The following LIMK2 variants were observed in gnomAD, a reference collection of about 807,000 sequenced individuals.
LIMK2 encodes the protein LIM domain kinase 2.
A neutral mutation model predicts 75.7 loss-of-function variants in LIMK2; 35 were observed. The ratio of observed to expected loss-of-function variants is 0.46; its 90% CI spans 0.35 to 0.61. The LOEUF (loss-of-function observed/expected upper bound fraction) is 0.61. Among genes scored for constraint, LIMK2 ranks in the 20% least tolerant of loss-of-function variants. LIMK2 has a pLI of 0.00. For synonymous variants in LIMK2, 301 were observed against 319.2 expected (o/e 0.94, Z 0.61); for missense variants, 623 against 831.0 (o/e 0.75, Z 3.08).
chr22:31,241,194 G>A (rs985072713), intron 2 of LIMK2, among the ~76,000 whole-genome samples: 2 of 152,216 alleles, frequency 1.3e-5, no homozygotes, highest in African/African-American at 4.8e-5. Context: ...AGGGTCCAAT[G>A]CTGCTATTCC....
Position 31,245,891 on chromosome 22 carries a change from GGCC to G in LIMK2, c.117-12398_117-12396del, listed in dbSNP as rs940191935. Among the ~76,000 whole-genome samples, 101 of 151,996 alleles carry G rather than the reference GGCC, an allele frequency of 6.6e-4. 1 individual carries two copies. Among genetic ancestry groups the G allele is most frequent in the Admixed American group, 2.1e-3 (32 of 15,274 alleles). ...CAAAAAATAAAAAAAAATAAGCCAG[GGCC>G]GGGCGCAGTGGCTCACACCTATAAT... On this transcript the variant is annotated intron_variant, in intron 2 of 15. Coordinates refer to ENST00000331728, the MANE Select transcript of LIMK2 (RefSeq NM_005569.4).
intron 2 of LIMK2, chr22:31,248,613 A>C (rs1382959255): frequency 2.9e-5 from 47 of 1,611,046 alleles, no homozygotes; most frequent in Non-Finnish European, 3.7e-5. Context: ...CTGCAGCCAG[A>C]GGTGCCGGGA....
intron 2 of LIMK2, among the ~76,000 whole-genome samples, chr22:31,239,466 G>A (rs987875211): frequency 5.3e-5 from 8 of 152,190 alleles, no homozygotes; most frequent in Admixed American, 2.0e-4. Flanking sequence ...TTATGCCTCA[G>A]TGCATTTGCA....
intron 2 of LIMK2, among the ~76,000 whole-genome samples, chr22:31,244,795 A>C (rs935296670): frequency 6.6e-6 from 1 of 152,196 alleles, no homozygotes; most frequent in Non-Finnish European, 1.5e-5. Context: ...ACTTTGTGCC[A>C]AGGGCTTACA....
chr22:31,277,646 C>A, intron 15 of LIMK2: 1 of 671,516 alleles, frequency 1.5e-6, no homozygotes, highest in Non-Finnish European at 1.8e-6. Context: ...GTATTGAATG[C>A]CTACTGTGTG....
intron 2 of LIMK2, among the ~76,000 whole-genome samples, chr22:31,242,159 A>G (rs752868380): frequency 4.6e-5 from 7 of 152,208 alleles, no homozygotes; most frequent in African/African-American, 1.4e-4. Context: ...TGGAAATCCA[A>G]GATAAGGTCT....
At chr22:31,219,309 A>G (rs1217386906) in intron 1 of LIMK2, among the ~76,000 whole-genome samples, 2 of 152,180 alleles carry the variant, frequency 1.3e-5, no homozygotes, top group Admixed American at 6.5e-5. Flanking sequence ...GGGAGAGAGA[A>G]GCATTCATAA....
At chr22:31,257,746 C>T (rs1027558697) in intron 2 of LIMK2, among the ~76,000 whole-genome samples, 18 of 152,026 alleles carry the variant, frequency 1.2e-4, no homozygotes, top group Non-Finnish European at 2.4e-4. Context: ...TAGAATAACC[C>T]ACATTCTAGA....
At position 31,236,999 on chromosome 22, in the gene LIMK2, C is replaced by T. The variant is rs28872513; in HGVS notation, c.116+11180C>T. Among the ~76,000 whole-genome samples, 5,586 of 151,814 alleles carry T rather than the reference C, an allele frequency of 0.037. 496 individuals carry two copies. The East Asian group carries it at 0.37, about 10-fold the overall frequency. Reference sequence around the variant, plus strand: ...GGAGGCCAGCAGGCACGGTGGCTCACGCATGTAATCCCAGCACTTTGGGAG... The same window carrying T: ...GGAGGCCAGCAGGCACGGTGGCTCATGCATGTAATCCCAGCACTTTGGGAG... On this transcript the variant is annotated intron_variant, in intron 2 of 15. Coordinates refer to ENST00000331728, the MANE Select transcript of LIMK2 (RefSeq NM_005569.4).
Position 31,260,027 on chromosome 22 carries a change from G to A in LIMK2, c.501G>A (p.Val167=), listed in dbSNP as rs771805515. The A allele has an allele frequency of 4.4e-6, 7 of 1,606,932 alleles. No homozygotes were observed. The highest frequency in any genetic ancestry group is 5.1e-6 in the Non-Finnish European group (6 of 1,178,062). ...ATTEGRRGFS[V]SVESACSNYA... ...CTGAAGGCAGGCGGGGCTTCTCCGT[G>A]TCCGTGGAGAGTGCCTGCTCCAACT... The change falls in exon 5 of 16, where the codon GTG becomes GTA. Residue 167 remains valine, a synonymous_variant. Transcript: ENST00000331728.
intron 2 of LIMK2, among the ~76,000 whole-genome samples, chr22:31,251,368 C>T (rs2048723876): frequency 1.3e-5 from 2 of 152,216 alleles, no homozygotes; most frequent in South Asian, 4.1e-4. Flanking sequence ...CCCAGCTTCA[C>T]AGTAACCTTT....
chr22:31,262,089 G>T lies in LIMK2; in HGVS notation c.552-45G>T, dbSNP rs748996101. On this transcript the variant is annotated intron_variant, in intron 5 of 15. Coordinates refer to ENST00000331728, the MANE Select transcript of LIMK2 (RefSeq NM_005569.4). This position sits in a 1 kb window ranked among gnomAD's most constrained non-coding sequence, Gnocchi z 5.0. ...TGCACAAGCAGAATTGGTCAAGCAG[G>T]TTTTTAGGACATCTTTACCCTGCCT... is the stretch of plus-strand genomic sequence containing the variant. 7.2e-6 allele frequency: 11 copies of T among 1,524,730 alleles called. No homozygotes were observed. Among genetic ancestry groups the T allele is most frequent in the Admixed American group, 6.7e-5 (4 of 59,874 alleles). 94.5% of individuals were successfully genotyped at this position (1,524,730 alleles called of 1,614,324 possible). A position where few individuals can be genotyped will look rare whatever the true frequency, so the allele number is the denominator to read the frequency against.
At chr22:31,252,707 G>A (rs954429131) in intron 2 of LIMK2, among the ~76,000 whole-genome samples, 4 of 152,154 alleles carry the variant, frequency 2.6e-5, no homozygotes, top group Non-Finnish European at 4.4e-5. Flanking sequence ...GCCCTTGGTG[G>A]TCTCAAATTG....
chr22:31,276,640 C>T (rs2049024102), intron 15 of LIMK2: 3 of 993,942 alleles, frequency 3.0e-6, no homozygotes, highest in Non-Finnish European at 3.6e-6. Flanking sequence ...GTCACGGAGG[C>T]GGCGGCACAA....
At chr22:31,264,406 CAG>C (rs2048870899) in intron 7 of LIMK2, among the ~76,000 whole-genome samples, 1 of 152,310 alleles carries the variant, frequency 6.6e-6, no homozygotes, top group Non-Finnish European at 1.5e-5. Flanking sequence ...GAGCATACCC[CAG>C]AGAGAAAGTT....
intron 1 of LIMK2, among the ~76,000 whole-genome samples, chr22:31,213,005 A>G (rs1424105044): frequency 1.3e-5 from 2 of 152,000 alleles, no homozygotes; most frequent in Non-Finnish European, 2.9e-5. Context: ...ATAAGGGAGT[A>G]TGGAGCCCCT....
rs906470433 is a variant in LIMK2 at position 31,215,962 on chromosome 22, G to A, written c.16+3538G>A. Among the ~76,000 whole-genome samples, 7 of 152,278 alleles carry A rather than the reference G, an allele frequency of 4.6e-5. No homozygotes were observed. In the East Asian group the frequency reaches 1.2e-3, roughly 25 times the overall value. On this transcript the variant is annotated intron_variant, in intron 1 of 15. Coordinates refer to ENST00000331728, the MANE Select transcript of LIMK2 (RefSeq NM_005569.4). The stretch of plus-strand genomic sequence containing the variant: ...ATGTGCTAAACTCTTTTGGCCCCTA[G>A]GGATACAGCAAGGAACAAGATAGAC...
At chr22:31,276,748 G>C (rs754858155) in intron 15 of LIMK2, 2 of 1,566,610 alleles carry the variant, frequency 1.3e-6, no homozygotes, top group Admixed American at 3.7e-5. Flanking sequence ...CCGGCCCCCA[G>C]GCCAGGCAGT....
intron 1 of LIMK2, among the ~76,000 whole-genome samples, chr22:31,219,419 G>A (rs2048415334): frequency 1.3e-5 from 2 of 152,104 alleles, no homozygotes; most frequent in Non-Finnish European, 2.9e-5. Flanking sequence ...ACCTTACGTT[G>A]CACAGTTGCA....
Sources: gnomAD v4.1 joint callset for allele counts (sites outside exome capture counted in the v4.1 genomes callset) on GRCh38, gnomAD v4.1.1 for gene constraint, Gnocchi (gnomAD v3.1) non-coding constraint, MANE v1.5 for transcripts, NCBI Gene and HGNC (gene_info 2026-07-23, HGNC 2026-07-21) for gene names.